Variants in CAMTA1 observed in about 807,000 individuals in gnomAD.
The protein encoded by CAMTA1 is calmodulin binding transcription activator 1.
Under a neutral mutation model 170.9 loss-of-function variants are expected in CAMTA1, and 27 were observed. That is an observed-to-expected ratio of 0.16 (90% confidence interval 0.12 to 0.22). CAMTA1 has a LOEUF of 0.22. Ranked by LOEUF, CAMTA1 falls within the 10% of genes least tolerant of loss-of-function variation. CAMTA1 has a pLI of 1.00. For missense variants in CAMTA1, 1,619 were observed against 2,217.2 expected (o/e 0.73, Z 5.42); for synonymous variants, 833 against 891.5 (o/e 0.93, Z 1.17).
Position 7,681,138 on chromosome 1 carries a change from T to C in CAMTA1, c.2914+3405T>C, listed in dbSNP as rs1298923712. 6.6e-6 allele frequency among the ~76,000 whole-genome samples: 1 copy of C among 152,088 alleles called. No homozygotes were observed. The highest frequency in any genetic ancestry group is 2.4e-5 in the African/African-American group (1 of 41,444). ...AGCGCCTCCCCCAGACCTAGGGGTC[T>C]TCCCCTCCCTTCCCCTGCGCCCCAC... is the stretch of plus-strand genomic sequence containing the variant. On this transcript the variant is annotated intron_variant, in intron 11 of 22. Coordinates refer to ENST00000303635, the MANE Select transcript of CAMTA1 (RefSeq NM_015215.4). The surrounding 1 kb of genome is among the most constrained non-coding windows in gnomAD (Gnocchi z 4.6).
chr1:6,945,587 G>A (rs1461537720), intron 3 of CAMTA1, among the ~76,000 whole-genome samples: 5 of 152,226 alleles, frequency 3.3e-5, no homozygotes, highest in Admixed American at 6.5e-5. Context: ...GGGCTCAAGT[G>A]ATCCTCCTGC....
In CAMTA1 at chr1:7,565,552, G is replaced by A. The variant is rs184485326; in HGVS notation, c.511-74848G>A. On this transcript the variant is annotated intron_variant, in intron 6 of 22. Coordinates refer to ENST00000303635, the MANE Select transcript of CAMTA1 (RefSeq NM_015215.4). The surrounding 1 kb of genome is among the most constrained non-coding windows in gnomAD (Gnocchi z 4.5). Reference sequence around the variant, plus strand: ...TCTAGGCTGTCCGGAACAGCAGGACGGGGCTGGCAGAGCTTGGGACCCTCG... The same window carrying A: ...TCTAGGCTGTCCGGAACAGCAGGACAGGGCTGGCAGAGCTTGGGACCCTCG... Among the ~76,000 whole-genome samples, 4 of 152,268 alleles carry A rather than the reference G, an allele frequency of 2.6e-5. No individual in the cohort carries two copies. Among genetic ancestry groups the A allele is most frequent in the Admixed American group, 1.3e-4 (2 of 15,298 alleles).
intron 4 of CAMTA1, among the ~76,000 whole-genome samples, chr1:7,171,112 C>T (rs1649507935): frequency 6.6e-6 from 1 of 152,198 alleles, no homozygotes; most frequent in African/African-American, 2.4e-5. Flanking sequence ...TCAGAGCTTT[C>T]CTTTATTGAC....
chr1:7,332,446 G>C (rs747392883), intron 5 of CAMTA1, among the ~76,000 whole-genome samples: 1 of 152,194 alleles, frequency 6.6e-6, no homozygotes, highest in African/African-American at 2.4e-5. Flanking sequence ...GTTTGCAGGA[G>C]CCTTTTCTAT....
intron 5 of CAMTA1, among the ~76,000 whole-genome samples, chr1:7,429,952 G>A (rs2092076798): frequency 6.6e-6 from 1 of 152,142 alleles, no homozygotes; most frequent in South Asian, 2.1e-4. Context: ...CACCACGACA[G>A]CACCAAGGGG....
At chr1:7,515,416 G>A (rs2094270245) in intron 6 of CAMTA1, among the ~76,000 whole-genome samples, 1 of 152,192 alleles carries the variant, frequency 6.6e-6, no homozygotes, top group Non-Finnish European at 1.5e-5. Context: ...GACTTCAGGT[G>A]AGTCATTCAA....
At chr1:7,157,993 A>G (rs1183788792) in intron 4 of CAMTA1, among the ~76,000 whole-genome samples, 2 of 152,172 alleles carry the variant, frequency 1.3e-5, no homozygotes, top group African/African-American at 2.4e-5. Context: ...CCCCATCTCT[A>G]CTAAAAATAC....
intron 5 of CAMTA1, among the ~76,000 whole-genome samples, chr1:7,264,675 G>A (rs1238123634): frequency 6.6e-6 from 1 of 152,152 alleles, no homozygotes; most frequent in East Asian, 1.9e-4. Context: ...AAATGCGGCA[G>A]CGTTAGTTAA....
chr1:7,767,768 A>T lies in CAMTA1; in HGVS notation c.*1277A>T, dbSNP rs1453370856. 6.6e-6 allele frequency: 1 copy of T among 151,566 alleles called. No homozygotes were observed. Among genetic ancestry groups the T allele is most frequent in the African/African-American group, 2.4e-5 (1 of 41,136 alleles). The allele number at this position is 151,566 out of a possible 1,614,324, so 9.4% of individuals were successfully genotyped here. A position where few individuals can be genotyped will look rare whatever the true frequency, so the allele number is the denominator to read the frequency against. ...ATGGTCTGTAAAATGAAACAAAAAA[A>T]CTTTATTTCACTATAAGAGTACTTT... is the stretch of plus-strand genomic sequence containing the variant. On this transcript the variant is annotated 3_prime_UTR_variant, in exon 23 of 23. Coordinates refer to ENST00000303635, the MANE Select transcript of CAMTA1 (RefSeq NM_015215.4).
chr1:7,106,424 C>G (rs1643597191), intron 4 of CAMTA1, among the ~76,000 whole-genome samples: 1 of 152,084 alleles, frequency 6.6e-6, no homozygotes, highest in Non-Finnish European at 1.5e-5. Flanking sequence ...AGTTTTCTTT[C>G]TCCTGTCCGG....
chr1:7,472,185 A>C (rs566645773), intron 6 of CAMTA1, among the ~76,000 whole-genome samples: 143 of 152,306 alleles, frequency 9.4e-4, no homozygotes, highest in African/African-American at 3.2e-3. Flanking sequence ...TGGGGGCAAG[A>C]GCACGGCTGC....
At chr1:7,606,976 G>C (rs1388883923) in intron 6 of CAMTA1, among the ~76,000 whole-genome samples, 2 of 152,248 alleles carry the variant, frequency 1.3e-5, no homozygotes, top group African/African-American at 4.8e-5. Flanking sequence ...TTAGCTCCTT[G>C]AAGCCAGGAA....
intron 3 of CAMTA1, among the ~76,000 whole-genome samples, chr1:6,872,702 A>C (rs565247035): frequency 6.6e-6 from 1 of 152,352 alleles, no homozygotes; most frequent in African/African-American, 2.4e-5. Context: ...AAAACAAACC[A>C]AAACCGAAAG....
chr1:6,856,647 T>G (rs1183141533), intron 3 of CAMTA1, among the ~76,000 whole-genome samples: 1 of 152,066 alleles, frequency 6.6e-6, no homozygotes, highest in Non-Finnish European at 1.5e-5. Flanking sequence ...GAGCAGATAA[T>G]TAATTATAAG....
rs76776210 is a variant in CAMTA1, at chr1:7,333,105, G to T, written c.438+83479G>T. Reference sequence around the variant, plus strand: ...CCCACTCCAGCGGGCATGAGCAACAGAATCCTCTTTAGTCCTAGTGGCAGG... The same window carrying T: ...CCCACTCCAGCGGGCATGAGCAACATAATCCTCTTTAGTCCTAGTGGCAGG... On this transcript the variant is annotated intron_variant, in intron 5 of 22. Coordinates refer to ENST00000303635, the MANE Select transcript of CAMTA1 (RefSeq NM_015215.4). The surrounding 1 kb of genome is among the most constrained non-coding windows in gnomAD (Gnocchi z 4.4). Among the ~76,000 whole-genome samples the T allele has an allele frequency of 6.2e-3, 943 of 152,328 alleles. 9 individuals carry two copies. The highest frequency in any genetic ancestry group is 0.022 in the African/African-American group (903 of 41,568).
chr1:7,671,320 T>G (rs2096058572), intron 10 of CAMTA1, among the ~76,000 whole-genome samples: 1 of 152,198 alleles, frequency 6.6e-6, no homozygotes, highest in Non-Finnish European at 1.5e-5. Flanking sequence ...CCAGGCGATG[T>G]ATCCAGGACT....
intron 6 of CAMTA1, among the ~76,000 whole-genome samples, chr1:7,549,924 G>C (rs930627582): frequency 2.0e-5 from 3 of 152,156 alleles, no homozygotes; most frequent in African/African-American, 7.2e-5. Context: ...AGAGACCACA[G>C]CATCTATAGA....
Position 6,887,675 on chromosome 1 carries a change from A to T in CAMTA1, c.234+62465A>T. On this transcript the variant is annotated intron_variant, in intron 3 of 22. Transcript: ENST00000303635. The surrounding 1 kb of genome is among the most constrained non-coding windows in gnomAD (Gnocchi z 4.1). ...TCAGGCTCTCACCACACACTTGTTC[A>T]TGGGCGCAGCAAAGAAGAGGGATCC... is the stretch of plus-strand genomic sequence containing the variant. The T allele has an allele frequency of 6.5e-7, 1 of 1,535,306 alleles. No individual in the cohort carries two copies. The highest frequency in any genetic ancestry group is 8.7e-7 in the Non-Finnish European group (1 of 1,146,642).
intron 3 of CAMTA1, among the ~76,000 whole-genome samples, chr1:7,056,296 T>C (rs1707309907): frequency 1.3e-5 from 2 of 152,130 alleles, no homozygotes; most frequent in South Asian, 4.2e-4. Flanking sequence ...CTTGGTGGTT[T>C]TGAATATTTA....
Sources: gnomAD v4.1 joint callset for allele counts (sites outside exome capture counted in the v4.1 genomes callset) on GRCh38, gnomAD v4.1.1 for gene constraint, Gnocchi (gnomAD v3.1) non-coding constraint, MANE v1.5 for transcripts, NCBI Gene and HGNC (gene_info 2026-07-23, HGNC 2026-07-21) for gene names.